ZNF566: variants seen among roughly 807,000 people sequenced by gnomAD.
The protein encoded by ZNF566 is zinc finger protein 566.
In ZNF566, 27 loss-of-function variants were observed where a neutral mutation model predicts 32.8. The observed-to-expected ratio is 0.82, with a 90% CI of 0.61 to 1.14. The LOEUF (loss-of-function observed/expected upper bound fraction) is 1.14, where lower values mean the gene tolerates loss of function less well. Ranked by LOEUF, ZNF566 falls within the 50% of genes most tolerant of loss-of-function variation. The pLI is 0.00. For missense variants in ZNF566, 402 were observed against 490.4 expected, an observed-to-expected ratio of 0.82 and a Z score of 1.70; for synonymous variants, 154 against 159.5, an observed-to-expected ratio of 0.97 and a Z score of 0.26.
Position 36,489,558 on chromosome 19 carries a change from G to A in ZNF566, c.-132C>T, listed in dbSNP as rs2034259747. The A allele has an allele frequency of 2.8e-6, 1 of 356,618 alleles. No individual in the cohort carries two copies. Among genetic ancestry groups the A allele is most frequent in the Admixed American group, 3.9e-5 (1 of 25,872 alleles). 22.1% of individuals were successfully genotyped at this position (356,618 alleles called of 1,614,324 possible). ...GTAAAGCCCTGAGGGTCCCGCCAGC[G>A]CGTGAGTTGGAAGCTGAATTACCGC... is the stretch of plus-strand genomic sequence containing the variant. On this transcript the variant is annotated 5_prime_UTR_variant, in exon 1 of 5. Coordinates refer to ENST00000452939, the MANE Select transcript of ZNF566 (RefSeq NM_001145344.1).
chr19:36,446,842 C>T lies in ZNF566; in HGVS notation c.*2135G>A, dbSNP rs1346184096. On this transcript the variant is annotated 3_prime_UTR_variant, in exon 5 of 5. Transcript: ENST00000452939. ...CACAATGTTCAGAGAGACCCGTCTA[C>T]ACAGGATCTAAGAAAAAAGGAAGTG... 1 of 152,166 alleles carries T rather than the reference C, an allele frequency of 6.6e-6. No individual in the cohort carries two copies. The highest frequency in any genetic ancestry group is 2.4e-5 in the African/African-American group (1 of 41,448). 9.4% of individuals were successfully genotyped at this position (152,166 alleles called of 1,614,324 possible).
At chr19:36,484,812 A>T (rs1351678490) in intron 1 of ZNF566, among the ~76,000 whole-genome samples, 3 of 151,958 alleles carry the variant, frequency 2.0e-5, no homozygotes, top group Non-Finnish European at 4.4e-5. Context: ...GATGGTCTTG[A>T]TCTCCTGACC....
rs1297834855 is a variant in ZNF566, at chr19:36,450,013, T to C, written c.233-12A>G. On this transcript the variant is annotated splice_polypyrimidine_tract_variant and intron_variant, in intron 4 of 4. Transcript: ENST00000452939. ...TCTTGATTCCAGGACTGAAAGAAAA[T>C]ATGAAAGTAATCACTCACATTTTTC... The C allele has an allele frequency of 1.9e-6, 3 of 1,572,094 alleles. No homozygotes were observed. Among genetic ancestry groups the C allele is most frequent in the Non-Finnish European group, 2.6e-6 (3 of 1,163,188 alleles).
At position 36,453,497 on chromosome 19, in the gene ZNF566, AAATAAATAAATT is replaced by A. The variant is rs200596920; in HGVS notation, c.233-3508_233-3497del. Reference sequence around the variant, plus strand: ...CAAATAAATAAATAAATAAATAAATAAATAAATAAATTAATTAATTAAAATAAAATAAAAATA... The same window carrying A: ...CAAATAAATAAATAAATAAATAAATAAATTAATTAAAATAAAATAAAAATA... On this transcript the variant is annotated intron_variant, in intron 4 of 4. Transcript: ENST00000452939. Among the ~76,000 whole-genome samples, 163 of 125,370 alleles carry A rather than the reference AAATAAATAAATT, an allele frequency of 1.3e-3. No homozygotes were observed. The East Asian group carries it at 0.014, about 11-fold the overall frequency. The allele number at this position is 125,370 out of a possible 152,430, so 82.2% of individuals were successfully genotyped here.
In ZNF566 at chr19:36,446,799, G is replaced by A. The variant is rs2033005696; in HGVS notation, c.*2178C>T. On this transcript the variant is annotated 3_prime_UTR_variant, in exon 5 of 5. Transcript: ENST00000452939. ...ATTATGAAATATTTTACTTCCTTATGCCAGTAAAGTAAAGTAACACAATGT... is the reference window on the plus strand; with the variant it reads ...ATTATGAAATATTTTACTTCCTTATACCAGTAAAGTAAAGTAACACAATGT... 1 of 152,024 alleles carries A rather than the reference G, an allele frequency of 6.6e-6. No homozygotes were observed. Among genetic ancestry groups the A allele is most frequent in the Admixed American group, 6.6e-5 (1 of 15,246 alleles). 9.4% of individuals were successfully genotyped at this position (152,024 alleles called of 1,614,324 possible).
intron 4 of ZNF566, among the ~76,000 whole-genome samples, chr19:36,466,799 C>A (rs1003966184): frequency 6.6e-6 from 1 of 152,100 alleles, no homozygotes; most frequent in Non-Finnish European, 1.5e-5. Context: ...TTCGGCCAGG[C>A]GCAGTGGCTC....
At position 36,448,958 on chromosome 19, in the gene ZNF566, T is replaced by A. The variant is rs1474661756; in HGVS notation, c.*19A>T. The A allele has an allele frequency of 4.5e-6, 7 of 1,543,234 alleles. No homozygotes were observed. Among genetic ancestry groups the A allele is most frequent in the Admixed American group, 2.1e-5 (1 of 48,042 alleles). On this transcript the variant is annotated 3_prime_UTR_variant, in exon 5 of 5. Transcript: ENST00000452939. ...CCATAATTAAAAGCCTCCCTACACATTTCATATATTCTGTTTCATCACCAG... is the reference window on the plus strand; with the variant it reads ...CCATAATTAAAAGCCTCCCTACACAATTCATATATTCTGTTTCATCACCAG...
intron 4 of ZNF566, among the ~76,000 whole-genome samples, chr19:36,467,945 G>C (rs959344970): frequency 1.3e-5 from 2 of 151,584 alleles, no homozygotes; most frequent in Non-Finnish European, 2.9e-5. Context: ...CAGCACTTTG[G>C]GAGGCCGAGG....
Position 36,448,949 on chromosome 19 carries a change from C to T in ZNF566, c.*28G>A, listed in dbSNP as rs1164973715. The stretch of plus-strand genomic sequence containing the variant: ...TGTTTTGAGCCATAATTAAAAGCCT[C>T]CCTACACATTTCATATATTCTGTTT... On this transcript the variant is annotated 3_prime_UTR_variant, in exon 5 of 5. Coordinates refer to ENST00000452939, the MANE Select transcript of ZNF566 (RefSeq NM_001145344.1). 2 of 1,524,912 alleles carry T rather than the reference C, an allele frequency of 1.3e-6. No homozygotes were observed. Among genetic ancestry groups the T allele is most frequent in the East Asian group, 2.3e-5 (1 of 44,262 alleles). The allele number at this position is 1,524,912 out of a possible 1,614,324, so 94.5% of individuals were successfully genotyped here. A position where few individuals can be genotyped will look rare whatever the true frequency, so the allele number is the denominator to read the frequency against.
At chr19:36,482,121 T>C (rs2034048522) in intron 1 of ZNF566, among the ~76,000 whole-genome samples, 2 of 152,214 alleles carry the variant, frequency 1.3e-5, no homozygotes, top group South Asian at 4.1e-4. Flanking sequence ...ATTTATTTAT[T>C]TTGAGACGGA....
chr19:36,488,617 T>G (rs1440035618), intron 1 of ZNF566, among the ~76,000 whole-genome samples: 1 of 152,072 alleles, frequency 6.6e-6, no homozygotes, highest in African/African-American at 2.4e-5. Flanking sequence ...GTTTATAAAA[T>G]GAAAAGCTAT....
chr19:36,452,698 G>A (rs2033187685), intron 4 of ZNF566, among the ~76,000 whole-genome samples: 1 of 151,892 alleles, frequency 6.6e-6, no homozygotes, highest in Non-Finnish European at 1.5e-5. Flanking sequence ...AGTTCTTCAA[G>A]TAGAAAGAAA....
At chr19:36,477,468 A>T (rs1000666625) in intron 1 of ZNF566, among the ~76,000 whole-genome samples, 9 of 151,826 alleles carry the variant, frequency 5.9e-5, no homozygotes, top group Non-Finnish European at 1.0e-4. Flanking sequence ...ATAATTGCTC[A>T]GAGATTATAC....
chr19:36,477,632 A>G (rs1444868480), intron 1 of ZNF566, among the ~76,000 whole-genome samples: 3 of 146,350 alleles, frequency 2.0e-5, no homozygotes, highest in East Asian at 4.1e-4. Flanking sequence ...TCCGCCTCCC[A>G]GGTTCACGCC....
intron 1 of ZNF566, among the ~76,000 whole-genome samples, chr19:36,479,128 C>T (rs112581376): frequency 4.8e-4 from 73 of 152,284 alleles, no homozygotes; most frequent in African/African-American, 1.7e-3. Flanking sequence ...AATCCTAGAG[C>T]TAATGTTATA....
At chr19:36,485,976 C>T (rs1187107020) in intron 1 of ZNF566, among the ~76,000 whole-genome samples, 1 of 152,092 alleles carries the variant, frequency 6.6e-6, no homozygotes, top group African/African-American at 2.4e-5. Flanking sequence ...ATCGCTGGAA[C>T]CCAGGAGGTG....
intron 4 of ZNF566, among the ~76,000 whole-genome samples, chr19:36,471,562 T>G (rs1273776763): frequency 1.3e-5 from 2 of 152,182 alleles, no homozygotes; most frequent in African/African-American, 4.8e-5. Context: ...AACGTTACCA[T>G]ATCATTTAGT....
intron 4 of ZNF566, among the ~76,000 whole-genome samples, chr19:36,453,766 C>CA (rs1318482632): frequency 6.6e-6 from 1 of 151,976 alleles, no homozygotes; most frequent in East Asian, 1.9e-4. Flanking sequence ...CTCCTGGGCT[C>CA]AAGGGATCCT....
intron 4 of ZNF566, among the ~76,000 whole-genome samples, chr19:36,460,410 G>T (rs1358701709): frequency 1.3e-5 from 2 of 152,150 alleles, no homozygotes; most frequent in Non-Finnish European, 2.9e-5. Context: ...GAACTGAAAA[G>T]TGCAGTAGCC....
Sources: gnomAD v4.1 joint callset for allele counts (sites outside exome capture counted in the v4.1 genomes callset) on GRCh38, gnomAD v4.1.1 for gene constraint, MANE v1.5 for transcripts, NCBI Gene and HGNC (gene_info 2026-07-23, HGNC 2026-07-21) for gene names.